Variants in SYCP2L observed in about 807,000 individuals in gnomAD.
SYCP2L encodes synaptonemal complex protein 2 like.
SYCP2L carries 98 observed loss-of-function variants against 125.8 expected under a neutral mutation model. That is an observed-to-expected ratio of 0.78 (90% CI 0.66 to 0.92). The LOEUF (loss-of-function observed/expected upper bound fraction) is 0.92, where lower values mean the gene tolerates loss of function less well. Ranked by LOEUF, SYCP2L falls within the 40% of genes least tolerant of loss-of-function variation. SYCP2L has a pLI of 0.00. For missense variants in SYCP2L, 842 were observed against 936.4 expected (o/e 0.90, Z 1.32); for synonymous variants, 317 against 325.4 (o/e 0.97, Z 0.28).
chr6:10,911,514 T>A (rs935102401), intron 12 of SYCP2L, among the ~76,000 whole-genome samples: 3 of 152,230 alleles, frequency 2.0e-5, no homozygotes, highest in African/African-American at 7.2e-5. Flanking sequence ...AGTCCCCTTC[T>A]TGGCCTCTCA....
At chr6:10,907,774 A>AT (rs1199164824) in intron 10 of SYCP2L, 90 bp downstream of exon 10, 8 of 1,388,520 alleles carry the variant, frequency 5.8e-6, no homozygotes, top group African/African-American at 1.5e-5. Flanking sequence ...TTACGGGAGG[A>AT]TTTTTTTGCT....
chr6:10,918,750 G>A (rs201851310), intron 14 of SYCP2L, among the ~76,000 whole-genome samples: 1 of 152,060 alleles, frequency 6.6e-6, no homozygotes, highest in African/African-American at 2.4e-5. Context: ...TGGCCAGGAT[G>A]GTCTCAATCT....
intron 23 of SYCP2L, among the ~76,000 whole-genome samples, chr6:10,948,061 T>C: frequency 6.6e-6 from 1 of 152,138 alleles, no homozygotes; most frequent in East Asian, 1.9e-4. Flanking sequence ...TGAGGAATAA[T>C]TGGCAAATAA....
intron 6 of SYCP2L, among the ~76,000 whole-genome samples, chr6:10,900,334 A>G (rs994976077): frequency 1.4e-5 from 2 of 147,990 alleles, no homozygotes; most frequent in Non-Finnish European, 3.0e-5. Flanking sequence ...CCAGAGCCAG[A>G]GCTCTTTCTT....
chr6:10,908,236 TA>T (rs906960894), intron 10 of SYCP2L, among the ~76,000 whole-genome samples: 8 of 151,138 alleles, frequency 5.3e-5, no homozygotes, highest in East Asian at 1.9e-4. Flanking sequence ...TGGATCCAGT[TA>T]AAAAAAAAGT....
intron 24 of SYCP2L, among the ~76,000 whole-genome samples, 158 bp from the exon 25 acceptor site, chr6:10,955,978 C>G (rs1781496923): frequency 6.6e-6 from 1 of 152,206 alleles, no homozygotes; most frequent in African/African-American, 2.4e-5. Context: ...GAAATGAGCA[C>G]TTTCCAGAGA....
chr6:10,931,716 G>A (rs1780999397), intron 20 of SYCP2L, among the ~76,000 whole-genome samples: 2 of 152,210 alleles, frequency 1.3e-5, no homozygotes, highest in Non-Finnish European at 2.9e-5. Context: ...TGTAATCCCA[G>A]CACTTTGGGA....
At chr6:10,925,459 T>C (rs1246781946) in intron 15 of SYCP2L, among the ~76,000 whole-genome samples, 1 of 152,210 alleles carries the variant, frequency 6.6e-6, no homozygotes, top group African/African-American at 2.4e-5. Flanking sequence ...TCTCCAACTC[T>C]CTCTGTTTCC....
At chr6:10,961,078 C>CAA (rs112283703) in intron 26 of SYCP2L, among the ~76,000 whole-genome samples, 6 of 117,686 alleles carry the variant, frequency 5.1e-5, no homozygotes, top group Non-Finnish European at 9.1e-5. Flanking sequence ...AACTCCATCT[C>CAA]AAAAAAAAAA....
chr6:10,895,093 CTG>C (rs1204052782), intron 4 of SYCP2L, among the ~76,000 whole-genome samples: 7 of 152,198 alleles, frequency 4.6e-5, no homozygotes, highest in Middle Eastern at 3.2e-3. Context: ...GAATTAAGGA[CTG>C]TGTTTATGCA....
intron 23 of SYCP2L, among the ~76,000 whole-genome samples, chr6:10,943,187 G>T (rs941091757): frequency 6.6e-6 from 1 of 152,096 alleles, no homozygotes; most frequent in Non-Finnish European, 1.5e-5. Context: ...GTTAACAGTG[G>T]TATGAAGATT....
intron 6 of SYCP2L, among the ~76,000 whole-genome samples, chr6:10,900,151 A>G (rs1780353410): frequency 1.3e-5 from 2 of 152,122 alleles, no homozygotes; most frequent in South Asian, 4.1e-4. Context: ...ACAAAATGCC[A>G]TCAATTGGGA....
chr6:10,902,608 G>C, intron 6 of SYCP2L, 69 bp from the exon 7 acceptor site: 1 of 1,323,990 alleles, frequency 7.6e-7, no homozygotes, highest in Non-Finnish European at 1.1e-6. Context: ...GAAAAGCTCT[G>C]ACCGTGTGTA....
chr6:10,908,381 A>G (rs559670155), intron 10 of SYCP2L, among the ~76,000 whole-genome samples: 7 of 152,192 alleles, frequency 4.6e-5, no homozygotes, highest in Admixed American at 3.9e-4. Flanking sequence ...CTGGCAGAAG[A>G]GTATTATGGG....
intron 8 of SYCP2L, among the ~76,000 whole-genome samples, chr6:10,904,811 T>A (rs931110126): frequency 6.6e-6 from 1 of 152,042 alleles, no homozygotes; most frequent in African/African-American, 2.4e-5. Context: ...AACAAATCTG[T>A]TCTTTAAAAT....
At position 10,910,186 on chromosome 6, in the gene SYCP2L, T is replaced by G; in HGVS notation, c.858T>G (p.Leu286=). 2 of 1,613,852 alleles carry G rather than the reference T, an allele frequency of 1.2e-6. No homozygotes were observed. Among genetic ancestry groups the G allele is most frequent in the Non-Finnish European group, 1.7e-6 (2 of 1,179,896 alleles). Residue 286 remains leucine, a synonymous_variant, in exon 11 of 30, where the codon CTT becomes CTG. Transcript: ENST00000283141. The part of the protein sequence containing the change: ...RRFLNHLNNR[L]GDQRRVYSFP... Reference sequence around the variant, plus strand: ...TTCTCAATCACCTAAACAACAGACTTGGTGACCAAAGAAGGTAAGTTGTGT... The same window carrying G: ...TTCTCAATCACCTAAACAACAGACTGGGTGACCAAAGAAGGTAAGTTGTGT...
chr6:10,940,005 A>G lies in SYCP2L; in HGVS notation c.1814-2454A>G, dbSNP rs9467997. ...TTCCACAACTCAAAAGCAAGACAAC[A>G]CATAACCTAATTAAAAATGGGTAAA... On this transcript the variant is annotated intron_variant, in intron 21 of 29. Transcript: ENST00000283141. 7.3e-3 allele frequency among the ~76,000 whole-genome samples: 1,115 copies of G among 152,350 alleles called. 11 individuals carry two copies. The highest frequency in any genetic ancestry group is 0.025 in the African/African-American group (1,042 of 41,580).
At chr6:10,933,527 T>G (rs1008414427) in intron 20 of SYCP2L, among the ~76,000 whole-genome samples, 7 of 152,196 alleles carry the variant, frequency 4.6e-5, no homozygotes, top group African/African-American at 7.2e-5. Flanking sequence ...AATTTGCATT[T>G]CCATCAAGTT....
intron 14 of SYCP2L, among the ~76,000 whole-genome samples, chr6:10,922,465 CTTTT>C (rs1205724403): frequency 1.3e-4 from 17 of 135,652 alleles, no homozygotes; most frequent in African/African-American, 4.3e-4. Flanking sequence ...TAGCTAGTTA[CTTTT>C]TTTTTTTTTT....
Sources: allele counts gnomAD v4.1 joint callset (sites outside exome capture counted in the v4.1 genomes callset), GRCh38; gene constraint gnomAD v4.1.1; transcripts MANE v1.5; gene names NCBI Gene and HGNC (gene_info 2026-07-23, HGNC 2026-07-21).